The following CARMIL3 variants were observed in gnomAD, a reference collection of about 807,000 sequenced individuals.
The protein encoded by CARMIL3 is capping protein, Arp2/3 and myosin-I linker protein 3.
In CARMIL3, 88 loss-of-function variants were observed where a neutral mutation model predicts 180.8. That is an observed-to-expected ratio of 0.49 (90% CI 0.41 to 0.58). The LOEUF is 0.58. Among genes scored for constraint, CARMIL3 ranks in the 20% least tolerant of loss-of-function variants. The pLI is 0.00. For synonymous variants in CARMIL3, 696 were observed against 714.5 expected, an observed-to-expected ratio of 0.97 and a Z score of 0.41; for missense variants, 1,548 against 1,787.0, an observed-to-expected ratio of 0.87 and a Z score of 2.41.
rs1428235239 is a variant in CARMIL3, at chr14:24,057,870, G to T, written c.1208G>T (p.Cys403Phe). 12 of 1,612,778 alleles carry T rather than the reference G, an allele frequency of 7.4e-6. No homozygotes were observed. The highest frequency in any genetic ancestry group is 8.5e-6 in the Non-Finnish European group (10 of 1,179,942). ...LTYLNLARNS[C>F]SHRKGREAPP... ...TACCTCAACCTGGCTCGCAACAGCTGCTCCCACAGGTGGGAGAGGAGGGGG... is the reference window on the plus strand; with the variant it reads ...TACCTCAACCTGGCTCGCAACAGCTTCTCCCACAGGTGGGAGAGGAGGGGG... The change falls in exon 15 of 40, where the codon TGC becomes TTC. Residue 403 changes from cysteine (C) to phenylalanine (F), a missense_variant. By Grantham distance (205) the Cys-to-Phe change is radical (BLOSUM62 -2). Around this residue, in one of 4 missense-constraint regions of CARMIL3, gnomAD observed 578 missense variants for 666.5 expected, o/e 0.87. Transcript: ENST00000342740.
At position 24,068,910 on chromosome 14, in the gene CARMIL3, A is replaced by G. The variant is rs911973242; in HGVS notation, c.3926A>G (p.Asn1309Ser). ...GCTGGAGATGCAGCTCCAGGAGTCA[A>G]CAAACCCCGGCTGAGGCTGAGCTCA... is the stretch of plus-strand genomic sequence containing the variant. ...AEAGDAAPGV[N>S]KPRLRLSSQQ... The change falls in exon 38 of 40, where the codon AAC (asparagine) becomes AGC (serine). Residue 1309 changes from asparagine (N) to serine (S), a missense_variant. Physicochemically the swap from Asn to Ser is conservative, Grantham distance 46 (BLOSUM62 1). Transcript: ENST00000342740. The G allele has an allele frequency of 1.9e-6, 3 of 1,597,168 alleles. No individual in the cohort carries two copies. In the Admixed American group the frequency reaches 5.2e-5, roughly 28 times the overall value.
rs1384765925 is a variant in CARMIL3, at chr14:24,055,744, CG to C, written c.729del (p.Ser244AlafsTer50). 6.2e-7 allele frequency: 1 copy of C among 1,614,052 alleles called. No homozygotes were observed. The highest frequency in any genetic ancestry group is 8.5e-7 in the Non-Finnish European group (1 of 1,179,994). ...CAGGTGCTACATACCCTAAGCAAGT[CG>C]GGGAGCCTCGAAGAGCTGGTGCTGG... ...LEQVLHTLSK[S>X]GSLEELVLDN... On this transcript the variant is annotated frameshift_variant, in exon 10 of 40. Transcript: ENST00000342740. LOFTEE classifies it high-confidence loss of function.
Position 24,068,664 on chromosome 14 carries a change from C to T in CARMIL3, c.3763C>T (p.Leu1255Phe). ...QDGEEEKEGT[L>F]FPERTLPARN... ...TGGGGAAGAGGAGAAGGAGGGGACC[C>T]TCTTCCCAGAGAGGACACTTCCAGC... Residue 1255 changes from leucine to phenylalanine, a missense_variant, in exon 37 of 40, where the codon CTC (leucine) becomes TTC (phenylalanine). Leu to Phe is a conservative substitution (Grantham distance 22). Around this residue, in one of 4 missense-constraint regions of CARMIL3, gnomAD observed 668 missense variants for 687.8 expected, o/e 0.97. Transcript: ENST00000342740. The T allele has an allele frequency of 6.2e-7, 1 of 1,613,962 alleles. No individual in the cohort carries two copies. The highest frequency in any genetic ancestry group is 1.7e-4 in the Middle Eastern group (1 of 6,060).
intron 27 of CARMIL3, 102 bp from the exon 28 acceptor site, chr14:24,062,378 C>A: frequency 1.9e-6 from 2 of 1,065,720 alleles, no homozygotes; most frequent in Non-Finnish European, 2.9e-6. Flanking sequence ...ACAGACCAGG[C>A]CAGCTGGCCG....
At chr14:24,068,413 A>C (rs1018315418) in intron 36 of CARMIL3, among the ~76,000 whole-genome samples, 171 bp from the exon 37 acceptor site, 11 of 151,774 alleles carry the variant, frequency 7.2e-5, no homozygotes, top group African/African-American at 2.7e-4. Context: ...AAAAAAAAGA[A>C]AGAAAGAAAG....
intron 1 of CARMIL3, among the ~76,000 whole-genome samples, chr14:24,052,403 T>C (rs2035626227): frequency 1.3e-5 from 2 of 152,170 alleles, no homozygotes; most frequent in Admixed American, 6.5e-5. Flanking sequence ...GGGACCTTCC[T>C]GTCCCGGAGC....
At position 24,061,710 on chromosome 14, in the gene CARMIL3, T is replaced by C; in HGVS notation, c.2480+38T>C. 2 of 1,595,684 alleles carry C rather than the reference T, an allele frequency of 1.3e-6. No homozygotes were observed. The highest frequency in any genetic ancestry group is 2.2e-5 in the South Asian group (2 of 89,220). ...GGGCAGGGCTGGGGCTGAGCTGGAT[T>C]TGGCCCAGATCACTTAGGGACTTAG... On this transcript the variant is annotated intron_variant, in intron 27 of 39. Transcript: ENST00000342740. The surrounding 1 kb of genome is among the most constrained non-coding windows in gnomAD (Gnocchi z 4.1).
At position 24,057,899 on chromosome 14, in the gene CARMIL3, G is replaced by A. The variant is rs769779491; in HGVS notation, c.1217+20G>A. 77 of 1,612,952 alleles carry A rather than the reference G, an allele frequency of 4.8e-5. No homozygotes were observed. Among genetic ancestry groups the A allele is most frequent in the Middle Eastern group, 1.6e-4 (1 of 6,084 alleles). ...CCACAGGTGGGAGAGGAGGGGGAAG[G>A]GAGGACAGGGCAAGACATGGCCAAC... is the stretch of plus-strand genomic sequence containing the variant. On this transcript the variant is annotated intron_variant, in intron 15 of 39. Transcript: ENST00000342740.
rs73603054 is a variant in CARMIL3, at chr14:24,069,692, C to G, written c.*288C>G. ...CTCTGTCCCTCTATCCCCAGGGACT[C>G]TCTCCCCTCTTGTATAGAATAAAAA... On this transcript the variant is annotated 3_prime_UTR_variant, in exon 40 of 40. Coordinates refer to ENST00000342740, the MANE Select transcript of CARMIL3 (RefSeq NM_138360.4). 3.8e-5 allele frequency: 20 copies of G among 519,630 alleles called. No individual in the cohort carries two copies. The highest frequency in any genetic ancestry group is 3.8e-4 in the African/African-American group (20 of 52,478). 32.2% of individuals were successfully genotyped at this position (519,630 alleles called of 1,614,324 possible).
At chr14:24,057,082 T>G (rs1421693509) in intron 13 of CARMIL3, 58 bp downstream of exon 13, 3 of 1,592,234 alleles carry the variant, frequency 1.9e-6, no homozygotes, top group African/African-American at 2.7e-5. Flanking sequence ...CTTCAGGAGC[T>G]GGGAGGCCTT....
At position 24,056,919 on chromosome 14, in the gene CARMIL3, C is replaced by A. The variant is rs1415072334; in HGVS notation, c.957C>A (p.Leu319=). ...CCCAGTGCCCGCTGTGCTCAGGGCT[C>A]CAGGCACTCGGCCAGACCTTCGGGG... is the stretch of plus-strand genomic sequence containing the variant. ...LAKTAISPRG[L]QALGQTFGAN... Residue 319 remains leucine (L), a synonymous_variant, in exon 13 of 40, where the codon CTC becomes CTA. Transcript: ENST00000342740. 5 of 1,613,946 alleles carry A rather than the reference C, an allele frequency of 3.1e-6. No individual in the cohort carries two copies. Among genetic ancestry groups the A allele is most frequent in the Non-Finnish European group, 4.2e-6 (5 of 1,179,968 alleles).
intron 14 of CARMIL3, 75 bp from the exon 15 acceptor site, chr14:24,057,728 G>C (rs1329144896): frequency 3.1e-6 from 4 of 1,293,254 alleles, no homozygotes; most frequent in African/African-American, 1.5e-5. Context: ...TCGATGGGGA[G>C]GGAGGGGGAG....
chr14:24,061,537 G>A lies in CARMIL3; in HGVS notation c.2345G>A (p.Cys782Tyr), dbSNP rs779498006. Residue 782 changes from cysteine to tyrosine, a missense_variant, in exon 27 of 40, where the codon TGC becomes TAC. Transcript: ENST00000342740. The surrounding 1 kb of genome is among the most constrained non-coding windows in gnomAD (Gnocchi z 4.1). ...ESMVSLTQEL[C>Y]PVAMRVAEGH... ...ATGGTCAGCCTGACACAGGAGTTAT[G>A]CCCTGTGGCCATGCGGGTGGCCGAG... 6.2e-7 allele frequency: 1 copy of A among 1,614,068 alleles called. No homozygotes were observed. The highest frequency in any genetic ancestry group is 2.2e-5 in the East Asian group (1 of 44,856).
rs1262227084 is a variant in CARMIL3 at position 24,058,941 on chromosome 14, C to T, written c.1526C>T (p.Ser509Phe). 6.2e-7 allele frequency: 1 copy of T among 1,614,108 alleles called. No individual in the cohort carries two copies. Among genetic ancestry groups the T allele is most frequent in the Non-Finnish European group, 8.5e-7 (1 of 1,180,060 alleles). Residue 509 changes from serine (S) to phenylalanine (F), a missense_variant, in exon 19 of 40, where the codon TCC becomes TTC. By Grantham distance (155) the Ser-to-Phe change is radical. Coordinates refer to ENST00000342740, the MANE Select transcript of CARMIL3 (RefSeq NM_138360.4). This position sits in a 1 kb window ranked among gnomAD's most constrained non-coding sequence, Gnocchi z 6.4. Reference protein sequence around the residue: ...TLVPALGKNKSLKHLFLGKNF... With the variant: ...TLVPALGKNKFLKHLFLGKNF... ...GTGCCTGCACTTGGCAAGAACAAGTCCCTCAAGCACCTGTTTTTGGGCAAG... is the reference window on the plus strand; with the variant it reads ...GTGCCTGCACTTGGCAAGAACAAGTTCCTCAAGCACCTGTTTTTGGGCAAG...
rs1469575090 is a variant in CARMIL3 at position 24,061,892 on chromosome 14, C to T, written c.2480+220C>T. On this transcript the variant is annotated intron_variant, in intron 27 of 39. Coordinates refer to ENST00000342740, the MANE Select transcript of CARMIL3 (RefSeq NM_138360.4). The surrounding 1 kb of genome is among the most constrained non-coding windows in gnomAD (Gnocchi z 4.1). The stretch of plus-strand genomic sequence containing the variant: ...GGTTTAGGAGCCAAGTTTGTGCCCA[C>T]ACAGGTGTACACACACATACCCACA... 5.4e-6 allele frequency: 3 copies of T among 553,484 alleles called. No individual in the cohort carries two copies. The African/African-American group carries it at 5.7e-5, about 10-fold the overall frequency. The allele number at this position is 553,484 out of a possible 1,614,324, so 34.3% of individuals were successfully genotyped here.
At position 24,058,344 on chromosome 14, in the gene CARMIL3, C is replaced by A; in HGVS notation, c.1392+120C>A. ...GACCCTCTGCGACCCCCTGACCTGG[C>A]CACACCACCACTTTCCCCTCTCAGT... On this transcript the variant is annotated intron_variant, in intron 17 of 39. Transcript: ENST00000342740. The surrounding 1 kb of genome is among the most constrained non-coding windows in gnomAD (Gnocchi z 6.4). 2 of 1,010,406 alleles carry A rather than the reference C, an allele frequency of 2.0e-6. No homozygotes were observed. The highest frequency in any genetic ancestry group is 2.9e-6 in the Non-Finnish European group (2 of 683,918). The allele number at this position is 1,010,406 out of a possible 1,614,324, so 62.6% of individuals were successfully genotyped here. A position where few individuals can be genotyped will look rare whatever the true frequency, so the allele number is the denominator to read the frequency against.
Position 24,058,099 on chromosome 14 carries a change from G to A in CARMIL3, c.1322+35G>A. The A allele has an allele frequency of 6.2e-7, 1 of 1,613,768 alleles. No individual in the cohort carries two copies. Among genetic ancestry groups the A allele is most frequent in the Non-Finnish European group, 8.5e-7 (1 of 1,179,972 alleles). ...GTGCAGGGTTGGGGGCGCATCCAAG[G>A]GAACCACGGGGAGCGGGAAGAGGTA... On this transcript the variant is annotated intron_variant, in intron 16 of 39. Transcript: ENST00000342740. This position sits in a 1 kb window ranked among gnomAD's most constrained non-coding sequence, Gnocchi z 6.4.
In CARMIL3 at chr14:24,063,208, A is replaced by C. The variant is rs779202704; in HGVS notation, c.2770+25A>C. On this transcript the variant is annotated intron_variant, in intron 30 of 39. Transcript: ENST00000342740. ...AGTGAGTCTCCCAGCCTCCGTTCTCATGGACTCCAGACTCCCGCCCTCTGT... is the reference window on the plus strand; with the variant it reads ...AGTGAGTCTCCCAGCCTCCGTTCTCCTGGACTCCAGACTCCCGCCCTCTGT... 9 of 1,610,092 alleles carry C rather than the reference A, an allele frequency of 5.6e-6. No individual in the cohort carries two copies. In the East Asian group the frequency reaches 1.8e-4, roughly 32 times the overall value.
At chr14:24,064,129 T>C in intron 31 of CARMIL3, 117 bp from the exon 32 acceptor site, 1 of 623,908 alleles carries the variant, frequency 1.6e-6, no homozygotes, top group Non-Finnish European at 2.8e-6. Flanking sequence ...AAACACTGGG[T>C]GAACTGAAGT....
Sources: gnomAD v4.1 joint callset for allele counts (sites outside exome capture counted in the v4.1 genomes callset) on GRCh38, gnomAD v4.1.1 for gene constraint, gnomAD v4.1.1 regional missense constraint, Gnocchi (gnomAD v3.1) non-coding constraint, MANE v1.5 for transcripts, NCBI Gene and HGNC (gene_info 2026-07-23, HGNC 2026-07-21) for gene names.